PBX3: variants seen among roughly 807,000 people sequenced by gnomAD.
The protein encoded by PBX3 is PBX homeobox 3.
A neutral mutation model predicts 48.5 loss-of-function variants in PBX3; 14 were observed. That is an observed-to-expected ratio of 0.29 (90% CI 0.19 to 0.45). The LOEUF is 0.45. PBX3 is among the 20% of genes least tolerant of loss of function. The pLI, the probability that PBX3 is intolerant of heterozygous loss-of-function variation, is 1.00. For missense variants in PBX3, 386 were observed against 546.7 expected (o/e 0.71, Z 2.93); for synonymous variants, 210 against 200.3 (o/e 1.05, Z -0.41).
In PBX3 at chr9:125,757,607, T is replaced by C. The variant is rs1377706090; in HGVS notation, c.274+8984T>C. Among the ~76,000 whole-genome samples the C allele has an allele frequency of 2.0e-5, 3 of 152,212 alleles. No individual in the cohort carries two copies. In the East Asian group the frequency reaches 5.8e-4, roughly 29 times the overall value. ...ACTGGATCTTGGGTCTAGGATTAAC[T>C]GTCAGTACTGGTAAGAACAAGTTAT... On this transcript the variant is annotated intron_variant, in intron 2 of 8. Coordinates refer to ENST00000373489, the MANE Select transcript of PBX3 (RefSeq NM_006195.6).
At chr9:125,913,638 G>A (rs555037009) in intron 2 of PBX3, among the ~76,000 whole-genome samples, 183 of 152,220 alleles carry the variant, frequency 1.2e-3, no homozygotes, top group Middle Eastern at 6.8e-3. Context: ...GCAGGGAAGT[G>A]TAATCATTTT....
chr9:125,879,587 T>C (rs1457893498), intron 2 of PBX3, among the ~76,000 whole-genome samples: 5 of 152,094 alleles, frequency 3.3e-5, no homozygotes, highest in African/African-American at 1.2e-4. Flanking sequence ...TTCAGGACAA[T>C]CTTTAAATTG....
At chr9:125,910,728 G>A (rs934194377) in intron 2 of PBX3, among the ~76,000 whole-genome samples, 2 of 150,344 alleles carry the variant, frequency 1.3e-5, no homozygotes, top group South Asian at 2.1e-4. Context: ...GAGTGGGATG[G>A]GCTTTGGGGC....
chr9:125,791,490 C>T (rs535201409), intron 2 of PBX3, among the ~76,000 whole-genome samples: 1 of 152,134 alleles, frequency 6.6e-6, no homozygotes, highest in South Asian at 2.1e-4. Flanking sequence ...TTCCCTCTTG[C>T]TGTTCTTATG....
chr9:125,794,307 C>T (rs1285165750), intron 2 of PBX3, among the ~76,000 whole-genome samples: 1 of 152,200 alleles, frequency 6.6e-6, no homozygotes, highest in Non-Finnish European at 1.5e-5. Flanking sequence ...CACCTCAGAA[C>T]TACTGAATCA....
At chr9:125,956,551 A>G (rs1842313069) in intron 5 of PBX3, among the ~76,000 whole-genome samples, 1 of 152,220 alleles carries the variant, frequency 6.6e-6, no homozygotes, top group African/African-American at 2.4e-5. Flanking sequence ...GGCCTTGCAG[A>G]AAAGTTCCAG....
Position 125,960,815 on chromosome 9 carries a change from C to A in PBX3, c.975C>A (p.Asn325Lys), listed in dbSNP as rs775539346. The change falls in exon 6 of 9, where the codon AAC becomes AAA. Residue 325 changes from asparagine (N) to lysine (K), a missense_variant. This residue lies in a region of PBX3 where 127 missense variants were observed against 143.3 expected (regional missense o/e 0.89). Transcript: ENST00000373489. The part of the protein sequence containing the change: ...AAHAVAAAVQ[N>K]NQTNSPTTPN... Reference sequence around the variant, plus strand: ...ACGCAGTAGCAGCAGCTGTGCAGAACAACCAGACCAATTCGCCCACCACAC... The same window carrying A: ...ACGCAGTAGCAGCAGCTGTGCAGAAAAACCAGACCAATTCGCCCACCACAC... 1 of 1,614,160 alleles carries A rather than the reference C, an allele frequency of 6.2e-7. No homozygotes were observed. The highest frequency in any genetic ancestry group is 2.2e-5 in the East Asian group (1 of 44,878).
intron 2 of PBX3, among the ~76,000 whole-genome samples, chr9:125,853,175 G>A (rs1369406630): frequency 6.6e-6 from 1 of 151,920 alleles, no homozygotes; most frequent in South Asian, 2.1e-4. Flanking sequence ...AATTTAAATT[G>A]TACTCCTTAC....
chr9:125,807,718 C>T (rs985216697), intron 2 of PBX3, among the ~76,000 whole-genome samples: 1 of 151,996 alleles, frequency 6.6e-6, no homozygotes, highest in African/African-American at 2.4e-5. Flanking sequence ...ATTGTAGGTA[C>T]ATGATAGTTC....
intron 2 of PBX3, among the ~76,000 whole-genome samples, chr9:125,814,959 C>T (rs993859745): frequency 6.6e-6 from 1 of 152,194 alleles, no homozygotes; most frequent in African/African-American, 2.4e-5. Flanking sequence ...TAGGGAATTA[C>T]AGCCTCTCAT....
chr9:125,940,009 C>G (rs1428628076), intron 5 of PBX3, among the ~76,000 whole-genome samples: 1 of 152,048 alleles, frequency 6.6e-6, no homozygotes, highest in East Asian at 1.9e-4. Context: ...TGGAGAAACC[C>G]CGTCTCTACT....
chr9:125,937,148 G>C (rs1199475726), intron 5 of PBX3, among the ~76,000 whole-genome samples: 1 of 152,136 alleles, frequency 6.6e-6, no homozygotes, highest in Non-Finnish European at 1.5e-5. Flanking sequence ...TGCACCATTA[G>C]AGAATAAAAC....
intron 5 of PBX3, among the ~76,000 whole-genome samples, chr9:125,946,321 A>G (rs145422305): frequency 3.3e-5 from 5 of 152,286 alleles, no homozygotes; most frequent in South Asian, 2.1e-4. Context: ...AAAACAAACA[A>G]AAAACTGGGC....
At chr9:125,937,909 C>T (rs1841874649) in intron 5 of PBX3, among the ~76,000 whole-genome samples, 1 of 152,208 alleles carries the variant, frequency 6.6e-6, no homozygotes, top group Admixed American at 6.5e-5. Context: ...GATCCTCCAG[C>T]CTCAGCCTCC....
At chr9:125,949,571 T>G in intron 5 of PBX3, 5 of 1,284,626 alleles carry the variant, frequency 3.9e-6, no homozygotes, top group Non-Finnish European at 5.1e-6. Context: ...ATGCATGAGA[T>G]TCATTTTTGA....
intron 2 of PBX3, among the ~76,000 whole-genome samples, chr9:125,760,418 C>G (rs1554852202): frequency 3.3e-5 from 5 of 151,286 alleles, no homozygotes; most frequent in Non-Finnish European, 7.4e-5. Context: ...TTTTTTGAGA[C>G]ATAGGAGAAG....
intron 2 of PBX3, among the ~76,000 whole-genome samples, chr9:125,842,040 C>T: frequency 6.6e-6 from 1 of 152,110 alleles, no homozygotes; most frequent in East Asian, 1.9e-4. Flanking sequence ...ATTATATTGT[C>T]TCTCAACCTC....
chr9:125,950,302 T>G (rs1445323182), intron 5 of PBX3, among the ~76,000 whole-genome samples: 1 of 152,168 alleles, frequency 6.6e-6, no homozygotes, highest in Non-Finnish European at 1.5e-5. Flanking sequence ...CGTCAGCACA[T>G]TATGGCAATA....
At chr9:125,907,500 CTG>C (rs777672944) in intron 2 of PBX3, among the ~76,000 whole-genome samples, 15 of 151,930 alleles carry the variant, frequency 9.9e-5, no homozygotes, top group Non-Finnish European at 2.1e-4. Flanking sequence ...GTGAATACCA[CTG>C]TTATTTTTTA....
Sources: gnomAD v4.1 joint callset for allele counts (sites outside exome capture counted in the v4.1 genomes callset) on GRCh38, gnomAD v4.1.1 for gene constraint, gnomAD v4.1.1 regional missense constraint, MANE v1.5 for transcripts, NCBI Gene and HGNC (gene_info 2026-07-23, HGNC 2026-07-21) for gene names.